The following SLIT2 variants were observed in gnomAD, a reference collection of about 807,000 sequenced individuals.
SLIT2 encodes the protein slit homolog 2 protein.
Under a neutral mutation model 185.7 loss-of-function variants are expected in SLIT2, and 41 were observed. The ratio of observed to expected loss-of-function variants is 0.22; its 90% CI spans 0.17 to 0.29. The LOEUF (loss-of-function observed/expected upper bound fraction) is 0.29, where lower values mean the gene tolerates loss of function less well. Ranked by LOEUF, SLIT2 falls within the 10% of genes least tolerant of loss-of-function variation. SLIT2 has a pLI of 1.00. For missense variants in SLIT2, 1,571 were observed against 1,909.0 expected (o/e 0.82, Z 3.30); for synonymous variants, 693 against 680.2 (o/e 1.02, Z -0.29).
chr4:20,408,513 C>T (rs1726950229), intron 4 of SLIT2, among the ~76,000 whole-genome samples: 1 of 148,122 alleles, frequency 6.8e-6, no homozygotes, highest in African/African-American at 2.6e-5. Context: ...CCCCTTTCCC[C>T]TGCAGGACGA....
At chr4:20,373,797 T>G (rs1298563237) in intron 4 of SLIT2, among the ~76,000 whole-genome samples, 1 of 152,064 alleles carries the variant, frequency 6.6e-6, no homozygotes, top group Non-Finnish European at 1.5e-5. Context: ...ATGATAATAC[T>G]CTGTGGTGTT....
chr4:20,452,382 A>G (rs918019434), intron 4 of SLIT2, among the ~76,000 whole-genome samples: 4 of 152,198 alleles, frequency 2.6e-5, no homozygotes, highest in Non-Finnish European at 5.9e-5. Flanking sequence ...TATTAAATGA[A>G]TAATAGGTGT....
At chr4:20,521,467 G>C (rs770029773) in intron 12 of SLIT2, among the ~76,000 whole-genome samples, 1 of 152,188 alleles carries the variant, frequency 6.6e-6, no homozygotes, top group Non-Finnish European at 1.5e-5. Context: ...GTTAAAGTGA[G>C]TACAAACTGC....
chr4:20,620,435 T>C lies in SLIT2; in HGVS notation c.*1426T>C, dbSNP rs901663950. On this transcript the variant is annotated 3_prime_UTR_variant, in exon 37 of 37. Coordinates refer to ENST00000504154, the MANE Select transcript of SLIT2 (RefSeq NM_004787.4). The stretch of plus-strand genomic sequence containing the variant: ...CTGTAAAGATGCAGATGTTTCTTCC[T>C]GAAAACTTCTTTTTTTACAAAGAAA... The C allele has an allele frequency of 1.5e-5, 7 of 455,034 alleles. No individual in the cohort carries two copies. Among genetic ancestry groups the C allele is most frequent in the Non-Finnish European group, 3.1e-5 (7 of 226,744 alleles). 28.2% of individuals were successfully genotyped at this position (455,034 alleles called of 1,614,324 possible). A position where few individuals can be genotyped will look rare whatever the true frequency, so the allele number is the denominator to read the frequency against.
intron 12 of SLIT2, among the ~76,000 whole-genome samples, chr4:20,521,699 G>A (rs868409872): frequency 4.6e-5 from 7 of 152,022 alleles, no homozygotes; most frequent in Admixed American, 3.9e-4. Context: ...TACATATACC[G>A]GAGGGAAGAT....
chr4:20,584,009 T>C (rs1356052251), intron 29 of SLIT2, among the ~76,000 whole-genome samples: 3 of 152,220 alleles, frequency 2.0e-5, no homozygotes, highest in East Asian at 1.9e-4. Context: ...GCTGGCACTT[T>C]ATTTTTACCG....
intron 26 of SLIT2, among the ~76,000 whole-genome samples, chr4:20,566,580 G>A (rs1004471289): frequency 3.3e-5 from 5 of 151,956 alleles, no homozygotes; most frequent in Non-Finnish European, 4.4e-5. Flanking sequence ...AGTAAAGATC[G>A]TTTCAAAGAT....
At chr4:20,600,020 A>C (rs1221200475) in intron 33 of SLIT2, among the ~76,000 whole-genome samples, 3 of 152,208 alleles carry the variant, frequency 2.0e-5, no homozygotes, top group Admixed American at 2.0e-4. Flanking sequence ...AGTTGAATAC[A>C]ATACTTATTT....
At chr4:20,518,567 A>ATATATATATATATATATC (rs1720485520) in intron 11 of SLIT2, among the ~76,000 whole-genome samples, 1 of 12,752 alleles carries the variant, frequency 7.8e-5, no homozygotes. Flanking sequence ...GTATATATAT[A>ATATATATATATATATATC]TATATATATA....
At chr4:20,468,421 C>T (rs978817506) in intron 5 of SLIT2, among the ~76,000 whole-genome samples, 10 of 152,076 alleles carry the variant, frequency 6.6e-5, no homozygotes, top group African/African-American at 2.2e-4. Flanking sequence ...GTATTTCTTA[C>T]ACTTTCCCTC....
intron 25 of SLIT2, 36 bp from the exon 26 acceptor site, chr4:20,553,769 G>T: frequency 6.6e-7 from 1 of 1,516,914 alleles, no homozygotes; most frequent in Non-Finnish European, 8.8e-7. Context: ...GTGTGTGTGT[G>T]TATGTGTGTG....
chr4:20,462,057 A>C (rs72619156), intron 4 of SLIT2, among the ~76,000 whole-genome samples: 3 of 152,032 alleles, frequency 2.0e-5, no homozygotes, highest in African/African-American at 7.2e-5. Flanking sequence ...GGTAATCTAC[A>C]TGGTTTCTTG....
chr4:20,386,096 T>C (rs1353442835), intron 4 of SLIT2, among the ~76,000 whole-genome samples: 1 of 152,152 alleles, frequency 6.6e-6, no homozygotes, highest in Non-Finnish European at 1.5e-5. Flanking sequence ...GTATGATATA[T>C]GTATAAGTGT....
intron 9 of SLIT2, 139 bp from the exon 10 acceptor site, chr4:20,510,356 T>C (rs1719593094): frequency 4.5e-6 from 3 of 665,796 alleles, no homozygotes; most frequent in Non-Finnish European, 8.0e-6. Flanking sequence ...AAATTAAATT[T>C]AGTACTTATT....
chr4:20,543,857 T>A (rs1370188400), intron 21 of SLIT2, among the ~76,000 whole-genome samples: 2 of 152,190 alleles, frequency 1.3e-5, no homozygotes. Context: ...GGAAGGACTA[T>A]TTTATATGTA....
Position 20,458,585 on chromosome 4 carries a change from T to C in SLIT2, c.396-9167T>C, listed in dbSNP as rs149100895. 7.7e-3 allele frequency among the ~76,000 whole-genome samples: 1,173 copies of C among 152,316 alleles called. 22 individuals are homozygous for C. The highest frequency in any genetic ancestry group is 0.027 in the African/African-American group (1,110 of 41,580). On this transcript the variant is annotated intron_variant, in intron 4 of 36. Coordinates refer to ENST00000504154, the MANE Select transcript of SLIT2 (RefSeq NM_004787.4). ...AATGTCCCTAGGTATTTTTTATGGGTGATCTTCAAATAACATTTTGAAACC... is the reference window on the plus strand; with the variant it reads ...AATGTCCCTAGGTATTTTTTATGGGCGATCTTCAAATAACATTTTGAAACC...
intron 4 of SLIT2, among the ~76,000 whole-genome samples, chr4:20,457,387 G>A (rs1037908218): frequency 4.6e-5 from 7 of 151,862 alleles, no homozygotes; most frequent in African/African-American, 1.5e-4. Flanking sequence ...TTCAAGCCCC[G>A]CCCCAGAGGA....
intron 4 of SLIT2, among the ~76,000 whole-genome samples, chr4:20,314,478 T>TA (rs2109143665): frequency 6.6e-6 from 1 of 152,334 alleles, no homozygotes; most frequent in South Asian, 2.1e-4. Flanking sequence ...GTTTCTGAGA[T>TA]ACATGACTTA....
At chr4:20,474,819 T>G (rs1715921946) in intron 5 of SLIT2, among the ~76,000 whole-genome samples, 1 of 152,116 alleles carries the variant, frequency 6.6e-6, no homozygotes, top group Non-Finnish European at 1.5e-5. Context: ...GTTTATTATC[T>G]ATTACTACAG....
Sources: gnomAD v4.1 joint callset for allele counts (sites outside exome capture counted in the v4.1 genomes callset) on GRCh38, gnomAD v4.1.1 for gene constraint, MANE v1.5 for transcripts, NCBI Gene and HGNC (gene_info 2026-07-23, HGNC 2026-07-21) for gene names.